Variants in THSD7B observed in about 807,000 individuals in gnomAD.
THSD7B encodes the protein thrombospondin type-1 domain-containing protein 7B.
In THSD7B, 138 loss-of-function variants were observed where a neutral mutation model predicts 213.6. The observed-to-expected ratio is 0.65, with a 90% CI of 0.56 to 0.74. The LOEUF (loss-of-function observed/expected upper bound fraction) is 0.74, where lower values mean the gene tolerates loss of function less well. Ranked by LOEUF, THSD7B falls within the 30% of genes least tolerant of loss-of-function variation. The probability of loss-of-function intolerance (pLI) is 0.00; values close to 1 mark genes in which losing one functional copy is unlikely to be tolerated. For synonymous variants in THSD7B, 742 were observed against 687.0 expected (o/e 1.08, Z -1.25); for missense variants, 1,931 against 1,991.5 (o/e 0.97, Z 0.58).
rs115694122 is a variant in THSD7B at position 137,306,050 on chromosome 2, C to G, written c.2500+30024C>G. Among the ~76,000 whole-genome samples the G allele has an allele frequency of 8.7e-3, 1,331 of 152,234 alleles. 23 individuals carry two copies. Among genetic ancestry groups the G allele is most frequent in the African/African-American group, 0.031 (1,269 of 41,546 alleles). On this transcript the variant is annotated intron_variant, in intron 12 of 27. Transcript: ENST00000409968. ...CGGCACTTACCATGAATGGAATTTG[C>G]AGGACTGGAAGTTGCTCTGGGTGAA...
intron 2 of THSD7B, among the ~76,000 whole-genome samples, chr2:136,972,883 T>C (rs1403894240): frequency 6.6e-6 from 1 of 152,152 alleles, no homozygotes; most frequent in African/African-American, 2.4e-5. Context: ...GGTAGTTTTA[T>C]CTAGAAATCT....
chr2:137,168,908 T>C (rs1249950822), intron 6 of THSD7B, among the ~76,000 whole-genome samples: 2 of 152,138 alleles, frequency 1.3e-5, no homozygotes, highest in African/African-American at 4.8e-5. Context: ...CGTGTATGCA[T>C]CTCCTTTCAA....
chr2:136,842,481 G>A (rs982315026), intron 1 of THSD7B, among the ~76,000 whole-genome samples: 12 of 152,120 alleles, frequency 7.9e-5, no homozygotes, highest in African/African-American at 2.4e-4. Context: ...TAGCAAGAAA[G>A]CAATAATTAG....
chr2:137,233,331 A>C (rs1681686425), intron 9 of THSD7B, among the ~76,000 whole-genome samples, 198 bp downstream of exon 9: 1 of 152,240 alleles, frequency 6.6e-6, no homozygotes, highest in Non-Finnish European at 1.5e-5. Flanking sequence ...TCACTGGTGC[A>C]TTTATAACAT....
At chr2:137,156,372 T>C (rs1459931882) in intron 5 of THSD7B, among the ~76,000 whole-genome samples, 3 of 152,182 alleles carry the variant, frequency 2.0e-5, no homozygotes, top group Non-Finnish European at 2.9e-5. Context: ...AGATTCACTG[T>C]CCATCAAAAC....
At chr2:136,804,027 A>G (rs907293331) in intron 1 of THSD7B, among the ~76,000 whole-genome samples, 1 of 152,174 alleles carries the variant, frequency 6.6e-6, no homozygotes, top group African/African-American at 2.4e-5. Context: ...ACCATCACAG[A>G]TACACCCAGA....
At chr2:137,011,648 A>G (rs1169550534) in intron 2 of THSD7B, among the ~76,000 whole-genome samples, 1 of 152,172 alleles carries the variant, frequency 6.6e-6, no homozygotes, top group East Asian at 1.9e-4. Flanking sequence ...TGTCTCCAGC[A>G]GGTGCTTCTG....
intron 7 of THSD7B, among the ~76,000 whole-genome samples, chr2:137,184,536 A>G (rs1262064735): frequency 1.3e-5 from 2 of 152,180 alleles, no homozygotes; most frequent in African/African-American, 4.8e-5. Context: ...GACAGCTACT[A>G]TGAAATAATG....
chr2:137,616,225 A>G lies in THSD7B; in HGVS notation c.3474A>G (p.Pro1158=), dbSNP rs376096426. The change falls in exon 18 of 28, where the codon CCA becomes CCG. Residue 1158 remains proline, a synonymous_variant. Transcript: ENST00000409968. ...MQRRTRHLLR[P]SLNSRTCAED... is the part of the protein sequence containing the mutation. Reference sequence around the variant, plus strand: ...GAAGAACTCGCCACCTGCTAAGACCATCACTGAACTCAAGGACTTGTGCTG... The same window carrying G: ...GAAGAACTCGCCACCTGCTAAGACCGTCACTGAACTCAAGGACTTGTGCTG... The G allele has an allele frequency of 9.9e-6, 16 of 1,613,766 alleles. No homozygotes were observed. In the African/African-American group the frequency reaches 1.9e-4, roughly 19 times the overall value.
intron 2 of THSD7B, among the ~76,000 whole-genome samples, chr2:136,900,098 G>C (rs1684039424): frequency 6.6e-6 from 1 of 152,166 alleles, no homozygotes; most frequent in Admixed American, 6.5e-5. Context: ...TCACTTGAAA[G>C]GGCATATGTT....
chr2:137,329,448 C>G (rs1181702379), intron 12 of THSD7B, among the ~76,000 whole-genome samples: 1 of 152,082 alleles, frequency 6.6e-6, no homozygotes, highest in African/African-American at 2.4e-5. Context: ...TCACTGCAAC[C>G]CCCACCTCCA....
chr2:137,130,553 A>G (rs1162606731), intron 5 of THSD7B, among the ~76,000 whole-genome samples: 2 of 111,812 alleles, frequency 1.8e-5, no homozygotes, highest in East Asian at 5.7e-4. Context: ...AGCAGTCCCC[A>G]GAGTGTGATG....
intron 14 of THSD7B, among the ~76,000 whole-genome samples, chr2:137,422,644 A>G (rs190488392): frequency 8.5e-4 from 129 of 152,350 alleles, no homozygotes; most frequent in Non-Finnish European, 1.2e-3. Context: ...TTAACAAGTC[A>G]TATGCTCTAA....
intron 9 of THSD7B, among the ~76,000 whole-genome samples, chr2:137,234,651 C>T (rs1042536970): frequency 1.3e-5 from 2 of 152,112 alleles, no homozygotes; most frequent in Non-Finnish European, 2.9e-5. Context: ...TTGTTCCAAC[C>T]CTAGTCTAGC....
At chr2:136,816,485 T>A (rs778871148) in intron 1 of THSD7B, among the ~76,000 whole-genome samples, 20 of 152,212 alleles carry the variant, frequency 1.3e-4, no homozygotes, top group Non-Finnish European at 2.2e-4. Flanking sequence ...AGGGTTCCAT[T>A]GCATGAATGA....
chr2:136,999,503 T>C (rs1012083293), intron 2 of THSD7B, among the ~76,000 whole-genome samples: 21 of 151,844 alleles, frequency 1.4e-4, no homozygotes, highest in African/African-American at 4.6e-4. Context: ...TTTTGACTTA[T>C]CCCTTTTGTG....
intron 7 of THSD7B, among the ~76,000 whole-genome samples, chr2:137,226,802 G>A (rs1332994014): frequency 6.8e-6 from 1 of 147,188 alleles, no homozygotes; most frequent in Non-Finnish European, 1.5e-5. Context: ...ATTCATAGCA[G>A]TAGTATTCAT....
chr2:136,889,087 T>A (rs968919041), intron 2 of THSD7B, among the ~76,000 whole-genome samples: 24 of 152,010 alleles, frequency 1.6e-4, no homozygotes, highest in Admixed American at 1.1e-3. Context: ...TGACTATAAA[T>A]TAAAGTCAAA....
chr2:136,767,906 ATCT>A (rs1275361853), intron 1 of THSD7B, among the ~76,000 whole-genome samples: 3 of 152,220 alleles, frequency 2.0e-5, no homozygotes, highest in Non-Finnish European at 4.4e-5. Flanking sequence ...ATATTTCTTA[ATCT>A]TCTGGCCCAT....
Sources: gnomAD v4.1 joint callset for allele counts (sites outside exome capture counted in the v4.1 genomes callset) on GRCh38, gnomAD v4.1.1 for gene constraint, MANE v1.5 for transcripts, NCBI Gene and HGNC (gene_info 2026-07-23, HGNC 2026-07-21) for gene names.